MYT1L: variants seen among roughly 807,000 people sequenced by gnomAD.
MYT1L encodes myelin transcription factor 1 like.
Under a neutral mutation model 126.7 loss-of-function variants are expected in MYT1L, and 12 were observed. The ratio of observed to expected loss-of-function variants is 0.09; its 90% CI spans 0.06 to 0.15. The LOEUF (loss-of-function observed/expected upper bound fraction) is 0.15, where lower values mean the gene tolerates loss of function less well. Ranked by LOEUF, MYT1L falls within the 10% of genes least tolerant of loss-of-function variation. The pLI, the probability that MYT1L is intolerant of heterozygous loss-of-function variation, is 1.00. For synonymous variants in MYT1L, 541 were observed against 604.2 expected, an observed-to-expected ratio of 0.90 and a Z score of 1.53; for missense variants, 979 against 1,585.2, an observed-to-expected ratio of 0.62 and a Z score of 6.49.
At chr2:2,182,896 GAGA>G (rs1166949392) in intron 2 of MYT1L, among the ~76,000 whole-genome samples, 3 of 152,202 alleles carry the variant, frequency 2.0e-5, no homozygotes, top group Non-Finnish European at 2.9e-5. Context: ...TTGCAGGGGA[GAGA>G]AGGAGGGAGG....
At chr2:1,897,990 A>G (rs1463171720) in intron 14 of MYT1L, among the ~76,000 whole-genome samples, 1 of 152,194 alleles carries the variant, frequency 6.6e-6, no homozygotes, top group East Asian at 1.9e-4. Flanking sequence ...GGAAAAGCAC[A>G]CAGGATTTGT....
At chr2:1,903,809 G>T (rs2050660211) in intron 13 of MYT1L, among the ~76,000 whole-genome samples, 1 of 152,202 alleles carries the variant, frequency 6.6e-6, no homozygotes, top group Non-Finnish European at 1.5e-5. Flanking sequence ...AATGTACCTT[G>T]TCAAGTACTA....
At chr2:2,295,549 G>T (rs12472469) in intron 1 of MYT1L, among the ~76,000 whole-genome samples, 25,794 of 45,004 alleles carry the variant, frequency 0.57, 7,413 homozygotes, top group Non-Finnish European at 0.71. Flanking sequence ...GAGAGAGAGA[G>T]AGAGAGACAG....
intron 3 of MYT1L, among the ~76,000 whole-genome samples, chr2:2,169,738 T>C (rs1031552706): frequency 6.6e-6 from 1 of 152,150 alleles, no homozygotes; most frequent in African/African-American, 2.4e-5. Context: ...CCTGGTCCTG[T>C]CAAGTGGTCA....
At chr2:1,972,223 G>A (rs1289213290) in intron 8 of MYT1L, among the ~76,000 whole-genome samples, 8 of 152,152 alleles carry the variant, frequency 5.3e-5, no homozygotes, top group Non-Finnish European at 8.8e-5. Flanking sequence ...GTTAATTAGA[G>A]CATTCAGCAG....
rs926594991 is a variant in MYT1L at position 1,870,052 on chromosome 2, C to T, written c.2711+16487G>A. On this transcript the variant is annotated intron_variant, in intron 18 of 24. Transcript: ENST00000647738. ...AGACGATTTTTCAGAGCCGAGAAGT[C>T]GAACTCAGAGGGCATTCTTCTCCTC... is the stretch of plus-strand genomic sequence containing the variant. Among the ~76,000 whole-genome samples, 41 of 146,854 alleles carry T rather than the reference C, an allele frequency of 2.8e-4. 1 individual carries two copies. The highest frequency in any genetic ancestry group is 2.1e-3 in the Admixed American group (32 of 14,968).
At chr2:1,902,991 C>A in intron 14 of MYT1L, 89 bp downstream of exon 14, 1 of 1,265,720 alleles carries the variant, frequency 7.9e-7, no homozygotes, top group East Asian at 2.3e-5. Context: ...ACCACCACCG[C>A]TCAACTAATT....
chr2:1,795,697 G>A (rs1377063412), intron 23 of MYT1L: 3 of 152,190 alleles, frequency 2.0e-5, no homozygotes, highest in Non-Finnish European at 4.4e-5. Flanking sequence ...CAGAAACATC[G>A]AGTTGCCTGT....
At chr2:1,971,920 A>C (rs967235645) in intron 8 of MYT1L, among the ~76,000 whole-genome samples, 1 of 152,116 alleles carries the variant, frequency 6.6e-6, no homozygotes, top group Non-Finnish European at 1.5e-5. Flanking sequence ...CTAGACCTCA[A>C]AATCTTGGCT....
At chr2:1,969,434 C>T (rs2059639380) in intron 8 of MYT1L, among the ~76,000 whole-genome samples, 1 of 152,236 alleles carries the variant, frequency 6.6e-6, no homozygotes, top group South Asian at 2.1e-4. Context: ...CCACGATTCT[C>T]AAACTCAGGC....
chr2:2,018,593 T>A (rs906521231), intron 4 of MYT1L, among the ~76,000 whole-genome samples: 2 of 152,190 alleles, frequency 1.3e-5, no homozygotes, highest in African/African-American at 4.8e-5. Context: ...CCTTTCCTGC[T>A]CTCCGCCGTT....
At chr2:2,042,950 T>G (rs1444109723) in intron 4 of MYT1L, among the ~76,000 whole-genome samples, 1 of 152,154 alleles carries the variant, frequency 6.6e-6, no homozygotes, top group African/African-American at 2.4e-5. Context: ...CCTCACCTGG[T>G]GCCAGCAGCA....
chr2:1,911,391 G>A lies in MYT1L; in HGVS notation c.1709+629C>T, dbSNP rs769277019. On this transcript the variant is annotated intron_variant, in intron 12 of 24. Coordinates refer to ENST00000647738, the MANE Select transcript of MYT1L (RefSeq NM_001303052.2). ...CTTTTTGGCCTCTGGGAAAAAAAAA[G>A]TTATCAGATAAGAACGCAATATTAT... 2.6e-5 allele frequency among the ~76,000 whole-genome samples: 4 copies of A among 152,112 alleles called. No homozygotes were observed. In the South Asian group the frequency reaches 8.3e-4, roughly 32 times the overall value.
intron 2 of MYT1L, among the ~76,000 whole-genome samples, chr2:2,189,678 C>G (rs2092448520): frequency 6.6e-6 from 1 of 152,138 alleles, no homozygotes; most frequent in Non-Finnish European, 1.5e-5. Flanking sequence ...AAAATCTCTG[C>G]GAGGGCTTCA....
In MYT1L at chr2:2,102,940, T is replaced by TA. The variant is rs957949514; in HGVS notation, c.-303-48818dup. Among the ~76,000 whole-genome samples the TA allele has an allele frequency of 1.4e-3, 199 of 146,142 alleles. 1 individual carries two copies. Among genetic ancestry groups the TA allele is most frequent in the African/African-American group, 3.0e-3 (119 of 39,814 alleles). Reference sequence around the variant, plus strand: ...TATTAATATATAATGTCATAACACTTAAAAAAAAAAGCCTTGAAATCCCTG... The same window carrying TA: ...TATTAATATATAATGTCATAACACTTAAAAAAAAAAAGCCTTGAAATCCCTG... On this transcript the variant is annotated intron_variant, in intron 3 of 24. Transcript: ENST00000647738.
intron 21 of MYT1L, among the ~76,000 whole-genome samples, chr2:1,829,079 A>T (rs1364697430): frequency 1.3e-5 from 2 of 152,050 alleles, no homozygotes; most frequent in African/African-American, 2.4e-5. Context: ...CTTCTGCCCC[A>T]TCCTCCCTGC....
intron 13 of MYT1L, among the ~76,000 whole-genome samples, chr2:1,905,797 G>A (rs114779276): frequency 0.029 from 4,398 of 152,292 alleles, 92 homozygotes; most frequent in Middle Eastern, 0.054. Flanking sequence ...AACGTGTACT[G>A]TTTAGGAAGG....
chr2:2,282,995 A>G, intron 2 of MYT1L, among the ~76,000 whole-genome samples: 1 of 152,234 alleles, frequency 6.6e-6, no homozygotes, highest in Non-Finnish European at 1.5e-5. Context: ...GAATACCTTG[A>G]ACCCCGGAGG....
intron 5 of MYT1L, among the ~76,000 whole-genome samples, chr2:1,985,184 C>T (rs2060916696): frequency 6.6e-6 from 1 of 152,240 alleles, no homozygotes; most frequent in Non-Finnish European, 1.5e-5. Flanking sequence ...CCAGACCCTG[C>T]CTTTCAGCTC....
Sources: gnomAD v4.1 joint callset for allele counts (sites outside exome capture counted in the v4.1 genomes callset) on GRCh38, gnomAD v4.1.1 for gene constraint, MANE v1.5 for transcripts, NCBI Gene and HGNC (gene_info 2026-07-23, HGNC 2026-07-21) for gene names.